SLC9A8: variants seen among roughly 807,000 people sequenced by gnomAD.
SLC9A8 encodes solute carrier family 9 member A8, also known as sodium/hydrogen exchanger 8.
Under a neutral mutation model 66.6 loss-of-function variants are expected in SLC9A8, and 48 were observed. The ratio of observed to expected loss-of-function variants is 0.72; its 90% CI spans 0.57 to 0.92. SLC9A8 has a LOEUF of 0.92. Ranked by LOEUF, SLC9A8 falls within the 40% of genes least tolerant of loss-of-function variation. The probability of loss-of-function intolerance (pLI) is 0.00; values close to 1 mark genes in which losing one functional copy is unlikely to be tolerated. For missense variants in SLC9A8, 599 were observed against 747.3 expected, an observed-to-expected ratio of 0.80 and a Z score of 2.31; for synonymous variants, 274 against 282.6, an observed-to-expected ratio of 0.97 and a Z score of 0.31.
intron 14 of SLC9A8, among the ~76,000 whole-genome samples, chr20:49,885,825 G>T (rs941847763): frequency 3.9e-5 from 6 of 152,248 alleles, no homozygotes; most frequent in Admixed American, 6.5e-5. Context: ...ACAGACTCCC[G>T]AGCCTGTCCT....
intron 10 of SLC9A8, among the ~76,000 whole-genome samples, chr20:49,874,128 G>A (rs574135811): frequency 2.0e-5 from 3 of 152,118 alleles, no homozygotes; most frequent in South Asian, 4.2e-4. Context: ...ATGCGTGCCT[G>A]TAGTAGTCCC....
At chr20:49,845,593 C>T (rs2087950686) in intron 5 of SLC9A8, among the ~76,000 whole-genome samples, 1 of 152,156 alleles carries the variant, frequency 6.6e-6, no homozygotes, top group Admixed American at 6.5e-5. Flanking sequence ...CCTCCCCTGG[C>T]CTCAGACCCC....
intron 2 of SLC9A8, among the ~76,000 whole-genome samples, chr20:49,818,986 G>A (rs942048450): frequency 2.6e-5 from 4 of 152,144 alleles, no homozygotes; most frequent in South Asian, 2.1e-4. Context: ...TAACTTTTGT[G>A]TCCTGTAAGC....
chr20:49,819,362 T>G (rs939031778), intron 2 of SLC9A8, among the ~76,000 whole-genome samples: 1 of 152,228 alleles, frequency 6.6e-6, no homozygotes, highest in Non-Finnish European at 1.5e-5. Flanking sequence ...AAAACGTGCT[T>G]GTTTTTGCAT....
At chr20:49,870,197 T>C (rs1367416462) in intron 10 of SLC9A8, among the ~76,000 whole-genome samples, 1 of 152,244 alleles carries the variant, frequency 6.6e-6, no homozygotes, top group Non-Finnish European at 1.5e-5. Flanking sequence ...CTGTTGGGGC[T>C]ACATTTATAA....
At chr20:49,823,406 T>C (rs2086811577) in intron 3 of SLC9A8, among the ~76,000 whole-genome samples, 1 of 152,194 alleles carries the variant, frequency 6.6e-6, no homozygotes, top group Admixed American at 6.5e-5. Context: ...TCTTAGCCTT[T>C]TGCTTCTGGT....
chr20:49,880,193 G>A (rs2089573365), intron 12 of SLC9A8, among the ~76,000 whole-genome samples: 1 of 150,870 alleles, frequency 6.6e-6, no homozygotes, highest in South Asian at 2.1e-4. Flanking sequence ...GAGCCCAGGA[G>A]GTTGAGGTTG....
chr20:49,884,156 C>T, intron 14 of SLC9A8, 90 bp downstream of exon 14: 1 of 1,043,694 alleles, frequency 9.6e-7, no homozygotes, highest in Non-Finnish European at 1.4e-6. Flanking sequence ...GGAGATGAGC[C>T]TTGCTTTCTT....
intron 8 of SLC9A8, 60 bp from the exon 9 acceptor site, chr20:49,862,869 T>G: frequency 7.4e-7 from 1 of 1,349,592 alleles, no homozygotes; most frequent in Non-Finnish European, 1.0e-6. Context: ...TTTAAGTTAA[T>G]TTCTAAGAAC....
In SLC9A8 at chr20:49,884,221, C is replaced by CACACACACACACACG. The variant is rs1568882862; in HGVS notation, c.1491+169_1491+170insGACACACACACACAC. On this transcript the variant is annotated intron_variant, in intron 14 of 15. Coordinates refer to ENST00000361573, the MANE Select transcript of SLC9A8 (RefSeq NM_015266.3). The stretch of plus-strand genomic sequence containing the variant: ...CACGACACACACACACACACACACA[C>CACACACACACACACG]ACACACACACACACACACACGACAC... 90 of 289,178 alleles carry CACACACACACACACG rather than the reference C, an allele frequency of 3.1e-4. 2 individuals carry two copies. The highest frequency in any genetic ancestry group is 2.2e-3 in the African/African-American group (44 of 20,442). 17.9% of individuals were successfully genotyped at this position (289,178 alleles called of 1,614,324 possible).
In SLC9A8 at chr20:49,835,772, G is replaced by A. The variant is rs773406178; in HGVS notation, c.290-3769G>A. ...ACAATCTCAGCTTACTGCAACCTCC[G>A]CCTCCTGGGTTCAAGCGATTTTCCT... On this transcript the variant is annotated intron_variant, in intron 3 of 15. Coordinates refer to ENST00000361573, the MANE Select transcript of SLC9A8 (RefSeq NM_015266.3). 1.8e-4 allele frequency among the ~76,000 whole-genome samples: 24 copies of A among 129,770 alleles called. No homozygotes were observed. The South Asian group carries it at 2.8e-3, about 15-fold the overall frequency. The allele number at this position is 129,770 out of a possible 152,430, so 85.1% of individuals were successfully genotyped here. A position where few individuals can be genotyped will look rare whatever the true frequency, so the allele number is the denominator to read the frequency against.
At chr20:49,857,690 C>T (rs951129368) in intron 8 of SLC9A8, among the ~76,000 whole-genome samples, 1 of 152,184 alleles carries the variant, frequency 6.6e-6, no homozygotes, top group Admixed American at 6.5e-5. Context: ...TGCATTCCAG[C>T]CCGGGCGTCA....
At position 49,821,552 on chromosome 20, in the gene SLC9A8, A is replaced by G. The variant is rs1241714758; in HGVS notation, c.209-1509A>G. Among the ~76,000 whole-genome samples, 4 of 152,190 alleles carry G rather than the reference A, an allele frequency of 2.6e-5. No homozygotes were observed. The East Asian group carries it at 7.7e-4, about 29-fold the overall frequency. The stretch of plus-strand genomic sequence containing the variant: ...TTTTTTGGTGGGATTAAAGAAACCT[A>G]ATTTGTCAGTGCAGCCTCTGAGGGT... On this transcript the variant is annotated intron_variant, in intron 2 of 15. Transcript: ENST00000361573.
intron 13 of SLC9A8, among the ~76,000 whole-genome samples, chr20:49,881,549 A>G (rs773951360): frequency 6.6e-6 from 1 of 152,214 alleles, no homozygotes; most frequent in Non-Finnish European, 1.5e-5. Flanking sequence ...CTTCTAAAGA[A>G]CTGGATCCAT....
chr20:49,830,310 T>G (rs1298952890), intron 3 of SLC9A8: 1 of 1,135,484 alleles, frequency 8.8e-7, no homozygotes, highest in South Asian at 1.2e-5. Context: ...AGTGACTGTC[T>G]GGAACCGCAC....
intron 12 of SLC9A8, among the ~76,000 whole-genome samples, chr20:49,878,429 A>G (rs1406820229): frequency 6.6e-6 from 1 of 152,242 alleles, no homozygotes. Flanking sequence ...TATTATGCAC[A>G]GAAAAAAGAA....
rs2089945097 is a variant in SLC9A8 at position 49,887,819 on chromosome 20, C to G, written c.1639-10C>G. 1 of 1,584,338 alleles carries G rather than the reference C, an allele frequency of 6.3e-7. No individual in the cohort carries two copies. The highest frequency in any genetic ancestry group is 8.6e-7 in the Non-Finnish European group (1 of 1,163,016). On this transcript the variant is annotated splice_polypyrimidine_tract_variant and intron_variant, in intron 15 of 15. Transcript: ENST00000361573. ...ACGCCCTGACGGCTTGGTTGTGTCTCTCGACCCAGGACCTGCACCACGGGC... is the reference window on the plus strand; with the variant it reads ...ACGCCCTGACGGCTTGGTTGTGTCTGTCGACCCAGGACCTGCACCACGGGC...
chr20:49,847,245 TCTTTC>T (rs140978487), intron 5 of SLC9A8, among the ~76,000 whole-genome samples: 5,364 of 152,278 alleles, frequency 0.035, 149 homozygotes, highest in East Asian at 0.096. Context: ...GGTCACCATG[TCTTTC>T]CTTTCACTTT....
At position 49,812,939 on chromosome 20, in the gene SLC9A8, C is replaced by T. The variant is rs865916768; in HGVS notation, c.17C>T (p.Ala6Val). 4.1e-6 allele frequency: 6 copies of T among 1,469,236 alleles called. No homozygotes were observed. Among genetic ancestry groups the T allele is most frequent in the Middle Eastern group, 1.8e-4 (1 of 5,536 alleles). 91.0% of individuals were successfully genotyped at this position (1,469,236 alleles called of 1,614,324 possible). ...CTCCGCAGGATGGGGGAGAAGATGG[C>T]GGAAGAGGAGTGAGTGGGCTTTTTC... MGEKM[A>V]EEERFPNTTH... Residue 6 changes from alanine (A) to valine (V), a missense_variant, in exon 1 of 16, where the codon GCG becomes GTG. Coordinates refer to ENST00000361573, the MANE Select transcript of SLC9A8 (RefSeq NM_015266.3).
Sources: allele counts gnomAD v4.1 joint callset (sites outside exome capture counted in the v4.1 genomes callset), GRCh38; gene constraint gnomAD v4.1.1; transcripts MANE v1.5; gene names NCBI Gene and HGNC (gene_info 2026-07-23, HGNC 2026-07-21).